Variants in EMILIN2 observed in about 807,000 individuals in gnomAD.
EMILIN2 encodes the protein elastin microfibril interfacer 2, also known as EMILIN-2.
A neutral mutation model predicts 87.1 loss-of-function variants in EMILIN2; 71 were observed. That is an observed-to-expected ratio of 0.82 (90% CI 0.67 to 0.99). The LOEUF (loss-of-function observed/expected upper bound fraction) is 0.99. Among genes scored for constraint, EMILIN2 ranks in the 50% least tolerant of loss-of-function variants. The pLI is 0.00. For missense variants in EMILIN2, 1,407 were observed against 1,371.8 expected, an observed-to-expected ratio of 1.03 and a Z score of -0.40; for synonymous variants, 581 against 563.4, an observed-to-expected ratio of 1.03 and a Z score of -0.44.
At position 2,848,330 on chromosome 18, in the gene EMILIN2, C is replaced by A. The variant is rs2099573819; in HGVS notation, c.257+399C>A. Among the ~76,000 whole-genome samples, 1 of 152,152 alleles carries A rather than the reference C, an allele frequency of 6.6e-6. No individual in the cohort carries two copies. Among genetic ancestry groups the A allele is most frequent in the Admixed American group, 6.5e-5 (1 of 15,278 alleles). ...AAATGTATACTGCTAAAGACTATTC[C>A]GTATAGGATTCGCTGAGAGGTTTGG... On this transcript the variant is annotated intron_variant, in intron 2 of 7. Coordinates refer to ENST00000254528, the MANE Select transcript of EMILIN2 (RefSeq NM_032048.3). The surrounding 1 kb of genome is among the most constrained non-coding windows in gnomAD (Gnocchi z 4.1).
intron 4 of EMILIN2, among the ~76,000 whole-genome samples, chr18:2,901,100 G>A (rs2076886385): frequency 6.6e-6 from 1 of 151,984 alleles, no homozygotes; most frequent in African/African-American, 2.4e-5. Flanking sequence ...CTGGATGACA[G>A]GAGGGCACTG....
chr18:2,903,826 A>G (rs1414989013), intron 4 of EMILIN2, among the ~76,000 whole-genome samples: 1 of 152,146 alleles, frequency 6.6e-6, no homozygotes, highest in Admixed American at 6.5e-5. Flanking sequence ...TTTCTGATCT[A>G]ACCTGGACTG....
chr18:2,889,723 A>G (rs1250600607), intron 3 of EMILIN2, among the ~76,000 whole-genome samples: 4 of 120,956 alleles, frequency 3.3e-5, no homozygotes, highest in African/African-American at 1.3e-4. Context: ...TTAAAGATAC[A>G]GGGTCTTGCT....
chr18:2,905,506 CTT>C (rs1450553405), intron 4 of EMILIN2, among the ~76,000 whole-genome samples: 1 of 152,076 alleles, frequency 6.6e-6, no homozygotes, highest in Non-Finnish European at 1.5e-5. Context: ...CAATTCTACT[CTT>C]TTATTTAAAA....
At chr18:2,870,396 A>C (rs777507617) in intron 2 of EMILIN2, among the ~76,000 whole-genome samples, 23 of 152,254 alleles carry the variant, frequency 1.5e-4, no homozygotes, top group African/African-American at 5.5e-4. Flanking sequence ...TTTGAAGACT[A>C]TTTGTTTCAT....
At chr18:2,861,087 G>GT (rs200522814) in intron 2 of EMILIN2, among the ~76,000 whole-genome samples, 3,938 of 151,748 alleles carry the variant, frequency 0.026, 141 homozygotes, top group African/African-American at 0.089. Context: ...GGGGTTTTTT[G>GT]TTTTTTTTCT....
intron 2 of EMILIN2, among the ~76,000 whole-genome samples, chr18:2,855,740 G>A (rs1236036978): frequency 1.3e-5 from 2 of 152,180 alleles, no homozygotes; most frequent in African/African-American, 4.8e-5. Context: ...GATCACAGGC[G>A]AGTCACTTAG....
intron 3 of EMILIN2, among the ~76,000 whole-genome samples, chr18:2,886,972 A>G (rs1430914107): frequency 6.6e-6 from 1 of 152,096 alleles, no homozygotes; most frequent in Non-Finnish European, 1.5e-5. Context: ...CTCCTGTTGA[A>G]TTCCCTGTTT....
chr18:2,859,768 A>G (rs553454786), intron 2 of EMILIN2, among the ~76,000 whole-genome samples: 82 of 152,328 alleles, frequency 5.4e-4, no homozygotes, highest in African/African-American at 1.9e-3. Context: ...ATGAGGATCC[A>G]GTTTCATTCT....
rs765103946 is a variant in EMILIN2 at position 2,915,888 on chromosome 18, G to A, written c.*2484G>A. On this transcript the variant is annotated 3_prime_UTR_variant, in exon 8 of 8. Transcript: ENST00000254528. ...GTCAGGACACTTCTTAAGTAGAGAA[G>A]GACTGTGACATCCCCTCCAAACCTC... The A allele has an allele frequency of 6.6e-6, 1 of 152,166 alleles. No homozygotes were observed. Among genetic ancestry groups the A allele is most frequent in the African/African-American group, 2.4e-5 (1 of 41,414 alleles). 9.4% of individuals were successfully genotyped at this position (152,166 alleles called of 1,614,324 possible). A position where few individuals can be genotyped will look rare whatever the true frequency, so the allele number is the denominator to read the frequency against.
chr18:2,912,574 C>T (rs2076946460), intron 7 of EMILIN2, among the ~76,000 whole-genome samples: 1 of 152,184 alleles, frequency 6.6e-6, no homozygotes, highest in East Asian at 1.9e-4. Flanking sequence ...CACTTCCTTT[C>T]CCACCCTGGG....
At chr18:2,859,274 GGT>G (rs1174427621) in intron 2 of EMILIN2, among the ~76,000 whole-genome samples, 1 of 152,116 alleles carries the variant, frequency 6.6e-6, no homozygotes, top group Non-Finnish European at 1.5e-5. Context: ...GCGGGAGTAA[GGT>G]GGTATCGCAT....
chr18:2,880,781 T>A lies in EMILIN2; in HGVS notation c.258-4183T>A, dbSNP rs1568467720. Among the ~76,000 whole-genome samples the A allele has an allele frequency of 6.6e-6, 1 of 152,156 alleles. No individual in the cohort carries two copies. Among genetic ancestry groups the A allele is most frequent in the Non-Finnish European group, 1.5e-5 (1 of 68,010 alleles). On this transcript the variant is annotated intron_variant, in intron 2 of 7. Transcript: ENST00000254528. This position sits in a 1 kb window ranked among gnomAD's most constrained non-coding sequence, Gnocchi z 4.1. ...CCGCCTGTCTCTGTTTCATGTCCCC[T>A]GCCTGGTCCTCTTAGGAGGGTGGCC...
intron 2 of EMILIN2, among the ~76,000 whole-genome samples, chr18:2,855,665 G>A (rs568588674): frequency 9.3e-4 from 141 of 152,286 alleles, no homozygotes; most frequent in African/African-American, 3.3e-3. Flanking sequence ...GGTGGCTGAC[G>A]TGCTTCGGAA....
chr18:2,911,597 A>C (rs1255703737), intron 7 of EMILIN2, among the ~76,000 whole-genome samples: 3 of 152,176 alleles, frequency 2.0e-5, no homozygotes, highest in African/African-American at 4.8e-5. Context: ...TGGTTGCCTG[A>C]CATTCCTAGT....
chr18:2,905,774 TG>T (rs143898204), intron 4 of EMILIN2, among the ~76,000 whole-genome samples: 112 of 105,576 alleles, frequency 1.1e-3, no homozygotes, highest in Middle Eastern at 4.9e-3. Context: ...GGCTAATTTT[TG>T]TTTTTTTGTT....
At chr18:2,910,011 C>T (rs1027200097) in intron 7 of EMILIN2, among the ~76,000 whole-genome samples, 192 bp downstream of exon 7, 5 of 152,202 alleles carry the variant, frequency 3.3e-5, no homozygotes, top group African/African-American at 1.2e-4. Flanking sequence ...TGTCCCAGCT[C>T]GAGGGCTGCA....
chr18:2,902,973 G>C (rs1483693963), intron 4 of EMILIN2, among the ~76,000 whole-genome samples: 2 of 152,122 alleles, frequency 1.3e-5, no homozygotes, highest in Admixed American at 1.3e-4. Context: ...GGCCAGTTTG[G>C]GTGGCCTGTG....
At chr18:2,851,595 G>A (rs1181072257) in intron 2 of EMILIN2, among the ~76,000 whole-genome samples, 1 of 152,160 alleles carries the variant, frequency 6.6e-6, no homozygotes, top group Non-Finnish European at 1.5e-5. Flanking sequence ...CCATGTCACT[G>A]GGCCCTGACA....
Sources: allele counts gnomAD v4.1 joint callset (sites outside exome capture counted in the v4.1 genomes callset), GRCh38; gene constraint gnomAD v4.1.1; non-coding constraint Gnocchi (gnomAD v3.1); transcripts MANE v1.5; gene names NCBI Gene and HGNC (gene_info 2026-07-23, HGNC 2026-07-21).